The following STRIP2 variants were observed in gnomAD, a reference collection of about 807,000 sequenced individuals.
STRIP2 encodes the protein striatin interacting protein 2.
Under a neutral mutation model 107.1 loss-of-function variants are expected in STRIP2, and 84 were observed. That is an observed-to-expected ratio of 0.78 (90% CI 0.66 to 0.94). The LOEUF is 0.94. Among genes scored for constraint, STRIP2 ranks in the 40% least tolerant of loss-of-function variants. The probability of loss-of-function intolerance (pLI) is 0.00; values close to 1 mark genes in which losing one functional copy is unlikely to be tolerated. For missense variants in STRIP2, 888 were observed against 1,034.2 expected (o/e 0.86, Z 1.94); for synonymous variants, 394 against 400.4 (o/e 0.98, Z 0.19).
rs543986391 is a variant in STRIP2, at chr7:129,458,262, T to G, written c.1086T>G (p.Asp362Glu). The G allele has an allele frequency of 1.2e-6, 2 of 1,614,070 alleles. No individual in the cohort carries two copies. The highest frequency in any genetic ancestry group is 3.3e-5 in the Admixed American group (2 of 60,022). ...GCCTGGACATCTACAATGAAAGGGA[T>G]CTCTTCAAGACTGAGGAGCCCGCCA... The part of the protein sequence containing the change: ...QDSLDIYNER[D>E]LFKTEEPATE... The change falls in exon 10 of 21, where the codon GAT (aspartate) becomes GAG (glutamate). Residue 362 changes from aspartate to glutamate, a missense_variant. By Grantham distance (45) the Asp-to-Glu change is conservative. Coordinates refer to ENST00000249344, the MANE Select transcript of STRIP2 (RefSeq NM_020704.3). The surrounding 1 kb of genome is among the most constrained non-coding windows in gnomAD (Gnocchi z 4.6).
Position 129,458,133 on chromosome 7 carries a change from G to T in STRIP2, c.1039-82G>T, listed in dbSNP as rs931828610. 4.0e-6 allele frequency: 4 copies of T among 991,224 alleles called. No homozygotes were observed. Among genetic ancestry groups the T allele is most frequent in the Non-Finnish European group, 1.6e-6 (1 of 627,554 alleles). 61.4% of individuals were successfully genotyped at this position (991,224 alleles called of 1,614,324 possible). On this transcript the variant is annotated intron_variant, in intron 9 of 20. Transcript: ENST00000249344. This position sits in a 1 kb window ranked among gnomAD's most constrained non-coding sequence, Gnocchi z 4.6. The stretch of plus-strand genomic sequence containing the variant: ...ATTCCATGTTCCCTGAAATGTGGAG[G>T]CCTGTGGATATGGGGTGGCCTCAGA...
chr7:129,445,156 T>C (rs1199469422), intron 3 of STRIP2, among the ~76,000 whole-genome samples: 1 of 152,150 alleles, frequency 6.6e-6, no homozygotes, highest in African/African-American at 2.4e-5. Context: ...TAGTTTCCCA[T>C]CGACCTTAAT....
chr7:129,435,961 TGAAAA>T (rs1797727221), intron 1 of STRIP2, among the ~76,000 whole-genome samples: 1 of 151,984 alleles, frequency 6.6e-6, no homozygotes. Context: ...GAAATGGAGA[TGAAAA>T]GACTGGCCCA....
At position 129,486,845 on chromosome 7, in the gene STRIP2, ACT is replaced by A. The variant is rs1799252796; in HGVS notation, c.*1017_*1018del. The stretch of plus-strand genomic sequence containing the variant: ...AAGTGTCATGTGGAGATTTAGCAAT[ACT>A]GTCTCTACTTAAAAGTATTGCACAT... On this transcript the variant is annotated 3_prime_UTR_variant, in exon 21 of 21. Coordinates refer to ENST00000249344, the MANE Select transcript of STRIP2 (RefSeq NM_020704.3). 1 of 152,144 alleles carries A rather than the reference ACT, an allele frequency of 6.6e-6. No homozygotes were observed. Among genetic ancestry groups the A allele is most frequent in the Admixed American group, 6.5e-5 (1 of 15,278 alleles). 9.4% of individuals were successfully genotyped at this position (152,144 alleles called of 1,614,324 possible).
intron 18 of STRIP2, among the ~76,000 whole-genome samples, chr7:129,471,395 C>G (rs1455262069): frequency 1.3e-5 from 2 of 152,064 alleles, no homozygotes; most frequent in Admixed American, 1.3e-4. Flanking sequence ...GCATTTGTGT[C>G]TGTTTCTTAA....
At chr7:129,465,323 G>A (rs1389426010) in intron 16 of STRIP2, among the ~76,000 whole-genome samples, 1 of 152,178 alleles carries the variant, frequency 6.6e-6, no homozygotes, top group Non-Finnish European at 1.5e-5. Flanking sequence ...TGTTAGCCAG[G>A]ATATGGGAAT....
intron 17 of STRIP2, among the ~76,000 whole-genome samples, chr7:129,468,835 A>G (rs12667232): frequency 0.31 from 47,098 of 152,142 alleles, 8,522 homozygotes; most frequent in East Asian, 0.6. Flanking sequence ...TAGGACAGCA[A>G]TGCAGCTCTG....
chr7:129,447,447 C>G (rs1798066764), intron 3 of STRIP2, among the ~76,000 whole-genome samples: 1 of 152,330 alleles, frequency 6.6e-6, no homozygotes, highest in East Asian at 1.9e-4. Context: ...TTCCCGTCCT[C>G]TGGCACACAA....
chr7:129,455,504 A>AG (rs1798322190), intron 8 of STRIP2, 133 bp downstream of exon 8: 2 of 1,049,718 alleles, frequency 1.9e-6, no homozygotes, highest in Non-Finnish European at 2.7e-6. Context: ...GCTAATATGG[A>AG]GGGGCAACAA....
At chr7:129,453,599 T>C (rs867304224) in intron 5 of STRIP2, among the ~76,000 whole-genome samples, 1 of 152,234 alleles carries the variant, frequency 6.6e-6, no homozygotes, top group African/African-American at 2.4e-5. Flanking sequence ...TTCAGGGGCC[T>C]ATCCTGAGTG....
Position 129,487,385 on chromosome 7 carries a change from G to T in STRIP2, c.*1556G>T, listed in dbSNP as rs1309990598. 6.6e-6 allele frequency: 1 copy of T among 152,110 alleles called. No individual in the cohort carries two copies. Among genetic ancestry groups the T allele is most frequent in the African/African-American group, 2.4e-5 (1 of 41,468 alleles). The allele number at this position is 152,110 out of a possible 1,614,324, so 9.4% of individuals were successfully genotyped here. ...AGGCACTACTGAATTTTTTATGATG[G>T]CACCAGGTCACTTTATGCTGGGTGA... On this transcript the variant is annotated 3_prime_UTR_variant, in exon 21 of 21. Coordinates refer to ENST00000249344, the MANE Select transcript of STRIP2 (RefSeq NM_020704.3).
At chr7:129,472,559 G>A (rs970759427) in intron 18 of STRIP2, among the ~76,000 whole-genome samples, 2 of 151,980 alleles carry the variant, frequency 1.3e-5, no homozygotes, top group African/African-American at 4.8e-5. Context: ...TTTTTGTTTT[G>A]CTTGAATTTT....
At chr7:129,475,573 TA>T (rs66593350) in intron 18 of STRIP2, among the ~76,000 whole-genome samples, 22,815 of 111,396 alleles carry the variant, frequency 0.2, 3,556 homozygotes, top group East Asian at 0.5. Flanking sequence ...TTTTTCTTTT[TA>T]TTTTTTTTTA....
chr7:129,462,112 G>T (rs1798554082), intron 13 of STRIP2, among the ~76,000 whole-genome samples: 2 of 152,320 alleles, frequency 1.3e-5, no homozygotes, highest in Non-Finnish European at 2.9e-5. Flanking sequence ...ACTGTTTAGG[G>T]ATGGTGGGCA....
intron 3 of STRIP2, 140 bp downstream of exon 3, chr7:129,444,238 T>C: frequency 1.6e-6 from 1 of 616,330 alleles, no homozygotes; most frequent in East Asian, 2.8e-5. Flanking sequence ...ATAGAACTAA[T>C]ATGATAAATA....
chr7:129,448,896 A>G lies in STRIP2; in HGVS notation c.275-2717A>G, dbSNP rs117747700. ...ATGCAGTTGCTGCCTTCATAAATCT[A>G]TTTTATAATGCATTGGTCAAGGGTG... On this transcript the variant is annotated intron_variant, in intron 3 of 20. Coordinates refer to ENST00000249344, the MANE Select transcript of STRIP2 (RefSeq NM_020704.3). Among the ~76,000 whole-genome samples the G allele has an allele frequency of 1.6e-3, 244 of 152,340 alleles. 1 individual carries two copies. The highest frequency in any genetic ancestry group is 3.6e-3 in the Admixed American group (55 of 15,308).
In STRIP2 at chr7:129,480,126, T is replaced by C. The variant is rs542301318; in HGVS notation, c.1945-659T>C. On this transcript the variant is annotated intron_variant, in intron 18 of 20. Transcript: ENST00000249344. ...GCAAGCCCCAAATTCACATAAGGAC[T>C]CACATTTTTATTTCTGAAAAATCTT... Among the ~76,000 whole-genome samples, 17 of 152,334 alleles carry C rather than the reference T, an allele frequency of 1.1e-4. No individual in the cohort carries two copies. The East Asian group carries it at 3.3e-3, about 29-fold the overall frequency.
intron 2 of STRIP2, among the ~76,000 whole-genome samples, chr7:129,442,234 T>C (rs896060524): frequency 6.6e-6 from 1 of 151,886 alleles, no homozygotes; most frequent in African/African-American, 2.4e-5. Flanking sequence ...CAAATAATAA[T>C]AATAATAATA....
chr7:129,448,314 G>A (rs1456223865), intron 3 of STRIP2, among the ~76,000 whole-genome samples: 1 of 152,276 alleles, frequency 6.6e-6, no homozygotes, highest in African/African-American at 2.4e-5. Flanking sequence ...TCCCCGAAAT[G>A]TCTGATCATT....
Sources: gnomAD v4.1 joint callset for allele counts (sites outside exome capture counted in the v4.1 genomes callset) on GRCh38, gnomAD v4.1.1 for gene constraint, Gnocchi (gnomAD v3.1) non-coding constraint, MANE v1.5 for transcripts, NCBI Gene and HGNC (gene_info 2026-07-23, HGNC 2026-07-21) for gene names.